The following G3BP2 variants were observed in gnomAD, a reference collection of about 807,000 sequenced individuals.
G3BP2 encodes the protein ras GTPase-activating protein-binding protein 2.
In G3BP2, 11 loss-of-function variants were observed where a neutral mutation model predicts 56.7. That is an observed-to-expected ratio of 0.19 (90% CI 0.12 to 0.32). G3BP2 has a LOEUF of 0.32. Ranked by LOEUF, G3BP2 falls within the 10% of genes least tolerant of loss-of-function variation. The probability of loss-of-function intolerance (pLI) is 1.00; values close to 1 mark genes in which losing one functional copy is unlikely to be tolerated. For missense variants in G3BP2, 340 were observed against 610.9 expected (o/e 0.56, Z 4.67); for synonymous variants, 165 against 191.6 (o/e 0.86, Z 1.15).
At chr4:75,646,254 A>G in intron 11 of G3BP2, 84 bp downstream of exon 11, 1 of 692,724 alleles carries the variant, frequency 1.4e-6, no homozygotes, top group Non-Finnish European at 2.5e-6. Flanking sequence ...TTATTAAAAG[A>G]TTTTCTATGG....
At chr4:75,681,642 G>T (rs958022598) in intron 3 of G3BP2, among the ~76,000 whole-genome samples, 2 of 151,902 alleles carry the variant, frequency 1.3e-5, no homozygotes, top group African/African-American at 4.8e-5. Flanking sequence ...CTGAGGTCAG[G>T]AGTTCGAGAC....
At chr4:75,653,422 G>A (rs1482925456) in intron 8 of G3BP2, among the ~76,000 whole-genome samples, 1 of 151,804 alleles carries the variant, frequency 6.6e-6, no homozygotes, top group Non-Finnish European at 1.5e-5. Context: ...CTCTGAAATG[G>A]GTAAGATGAC....
At chr4:75,721,446 C>T (rs985588127) in intron 2 of G3BP2, among the ~76,000 whole-genome samples, 15 of 151,942 alleles carry the variant, frequency 9.9e-5, no homozygotes, top group Admixed American at 9.2e-4. Context: ...TTTGTAGAGA[C>T]AGGGTTTTGC....
chr4:75,720,577 A>G (rs2149123662), intron 3 of G3BP2, among the ~76,000 whole-genome samples: 1 of 151,504 alleles, frequency 6.6e-6, no homozygotes, highest in East Asian at 2.0e-4. Flanking sequence ...CAGGCGGATC[A>G]TAAGGTCAGG....
At chr4:75,675,146 C>CT (rs1334850513), upstream of G3BP2, among the ~76,000 whole-genome samples, 1 of 152,166 alleles carries the variant, frequency 6.6e-6, no homozygotes, top group Non-Finnish European at 1.5e-5. Flanking sequence ...GGCAATCTGC[C>CT]TCCACAGTCC....
intron 8 of G3BP2, among the ~76,000 whole-genome samples, chr4:75,650,091 T>A (rs1731556172): frequency 6.6e-6 from 1 of 152,154 alleles, no homozygotes; most frequent in African/African-American, 2.4e-5. Flanking sequence ...AACTCTTTAA[T>A]CATTTATATA....
chr4:75,696,236 G>C (rs1171477946), intron 3 of G3BP2, among the ~76,000 whole-genome samples: 1 of 152,120 alleles, frequency 6.6e-6, no homozygotes, highest in Non-Finnish European at 1.5e-5. Flanking sequence ...AGAGGAGCCA[G>C]ACAAACCCTA....
chr4:75,720,149 C>T (rs988494863), intron 3 of G3BP2, among the ~76,000 whole-genome samples: 6 of 151,572 alleles, frequency 4.0e-5, no homozygotes, highest in African/African-American at 2.4e-5. Flanking sequence ...GAATGATAGG[C>T]CACCACGCCC....
At position 75,643,295 on chromosome 4, in the gene G3BP2, T is replaced by TTCAGGATATATA. The variant is rs1491199523; in HGVS notation, c.*2134_*2135insTATATATCCTGA. 1 of 99,942 alleles carries TTCAGGATATATA rather than the reference T, an allele frequency of 1.0e-5. No homozygotes were observed. Among genetic ancestry groups the TTCAGGATATATA allele is most frequent in the Non-Finnish European group, 2.2e-5 (1 of 46,322 alleles). The allele number at this position is 99,942 out of a possible 1,614,324, so 6.2% of individuals were successfully genotyped here. ...GCAGGGCAATATCCTGAATTGGAAA[T>TTCAGGATATATA]TATATATATATATATATATATGGAA... is the stretch of plus-strand genomic sequence containing the variant. On this transcript the variant is annotated 3_prime_UTR_variant, in exon 12 of 12. Coordinates refer to ENST00000359707, the MANE Select transcript of G3BP2 (RefSeq NM_203505.3).
In G3BP2 at chr4:75,701,538, C is replaced by T. The variant is rs555757948; in HGVS notation, c.-25+19339G>A. Among the ~76,000 whole-genome samples, 8 of 152,036 alleles carry T rather than the reference C, an allele frequency of 5.3e-5. No homozygotes were observed. The South Asian group carries it at 1.7e-3, about 32-fold the overall frequency. Reference sequence around the variant, plus strand: ...CCGCCTCCCAGGTTCAAGAGATTCTCCTGCCTCAGCCTCCTGAGTAGCTGG... The same window carrying T: ...CCGCCTCCCAGGTTCAAGAGATTCTTCTGCCTCAGCCTCCTGAGTAGCTGG... On this transcript the variant is annotated intron_variant, in intron 3 of 3. Coordinates refer to the G3BP2 transcript ENST00000499709.
chr4:75,692,365 G>A (rs1469630418), intron 3 of G3BP2, among the ~76,000 whole-genome samples: 2 of 152,030 alleles, frequency 1.3e-5, no homozygotes, highest in African/African-American at 4.8e-5. Context: ...AGGCTGGAGT[G>A]CAGTGGTGTG....
chr4:75,682,226 C>T (rs1427658215), intron 3 of G3BP2, among the ~76,000 whole-genome samples: 2 of 151,938 alleles, frequency 1.3e-5, no homozygotes, highest in South Asian at 2.1e-4. Context: ...ACTATCCTAG[C>T]CAACATGGTG....
chr4:75,663,597 T>C (rs1390495978), intron 1 of G3BP2, among the ~76,000 whole-genome samples: 1 of 152,012 alleles, frequency 6.6e-6, no homozygotes, highest in African/African-American at 2.4e-5. Context: ...GTACGGTGGC[T>C]CACACCTGTA....
chr4:75,695,578 G>C (rs1719067429), intron 3 of G3BP2, among the ~76,000 whole-genome samples: 1 of 152,158 alleles, frequency 6.6e-6, no homozygotes, highest in Admixed American at 6.5e-5. Context: ...AGAGTGCCAA[G>C]AGAAACACAG....
At chr4:75,705,611 C>T (rs1719514682) in intron 3 of G3BP2, among the ~76,000 whole-genome samples, 1 of 152,072 alleles carries the variant, frequency 6.6e-6, no homozygotes, top group African/African-American at 2.4e-5. Context: ...AGATGGATGG[C>T]AGGGAAGGCA....
At chr4:75,690,286 C>G (rs1450554049) in intron 3 of G3BP2, among the ~76,000 whole-genome samples, 3 of 151,868 alleles carry the variant, frequency 2.0e-5, no homozygotes, top group African/African-American at 7.3e-5. Flanking sequence ...ATACAAAAGC[C>G]GGGTGTGGTG....
chr4:75,655,665 G>T (rs775841464), intron 6 of G3BP2, 103 bp downstream of exon 6: 3 of 678,908 alleles, frequency 4.4e-6, no homozygotes, highest in South Asian at 1.7e-5. Flanking sequence ...TGACATAATA[G>T]GTGGTTTTAT....
At position 75,707,175 on chromosome 4, in the gene G3BP2, G is replaced by GA. The variant is rs35357713; in HGVS notation, c.-25+13701dup. Among the ~76,000 whole-genome samples, 1,010 of 103,500 alleles carry GA rather than the reference G, an allele frequency of 9.8e-3. 14 individuals carry two copies. The highest frequency in any genetic ancestry group is 0.032 in the African/African-American group (840 of 25,928). The allele number at this position is 103,500 out of a possible 152,430, so 67.9% of individuals were successfully genotyped here. On this transcript the variant is annotated intron_variant, in intron 3 of 3. Transcript: ENST00000499709. ...GGCAACAAGGGCGAAACTCCGTCTT[G>GA]AAAAAAAAAAAAAAAAAACAGAAAA...
chr4:75,671,633 C>G (rs1238465470), intron 1 of G3BP2, among the ~76,000 whole-genome samples: 2 of 152,196 alleles, frequency 1.3e-5, no homozygotes, highest in Non-Finnish European at 2.9e-5. Flanking sequence ...TATGACAGCT[C>G]TTAGTAAGAA....
Sources: allele counts gnomAD v4.1 joint callset (sites outside exome capture counted in the v4.1 genomes callset), GRCh38; gene constraint gnomAD v4.1.1; transcripts MANE v1.5; gene names NCBI Gene and HGNC (gene_info 2026-07-23, HGNC 2026-07-21).